ARFGEF1: variants seen among roughly 807,000 people sequenced by gnomAD.
ARFGEF1 encodes brefeldin A-inhibited guanine nucleotide-exchange protein 1.
A neutral mutation model predicts 231.0 loss-of-function variants in ARFGEF1; 42 were observed. That is an observed-to-expected ratio of 0.18 (90% CI 0.14 to 0.24). The LOEUF is 0.24. ARFGEF1 is among the 10% of genes least tolerant of loss of function. ARFGEF1 has a pLI of 1.00. For missense variants in ARFGEF1, 1,345 were observed against 2,192.0 expected (o/e 0.61, Z 7.72); for synonymous variants, 710 against 732.3 (o/e 0.97, Z 0.49).
chr8:67,339,790 T>TGGGGTGGGGG (rs1479485264), intron 1 of ARFGEF1, among the ~76,000 whole-genome samples: 1 of 422 alleles, frequency 2.4e-3, no homozygotes, highest in African/African-American at 4.9e-3. Context: ...TGTAACAGTG[T>TGGGGTGGGGG]GGGGCGGGGG....
At chr8:67,222,227 ATATGTATGTATGTATGTATGTATGTATG>A (rs35826179) in intron 29 of ARFGEF1, among the ~76,000 whole-genome samples, 15 of 115,156 alleles carry the variant, frequency 1.3e-4, no homozygotes, top group Non-Finnish European at 2.5e-4. Flanking sequence ...ATATATATGT[ATATGTATGTATGTATGTATGTATGTATG>A]TATGTATGTA....
At chr8:67,289,281 A>AG (rs534708346) in intron 6 of ARFGEF1, among the ~76,000 whole-genome samples, 17 of 152,022 alleles carry the variant, frequency 1.1e-4, no homozygotes, top group East Asian at 3.9e-4. Flanking sequence ...AGCTGAGCAC[A>AG]GGGGGGGTCA....
chr8:67,289,869 CAA>C (rs1426581624), intron 6 of ARFGEF1, among the ~76,000 whole-genome samples: 3 of 152,128 alleles, frequency 2.0e-5, no homozygotes, highest in African/African-American at 7.2e-5. Context: ...AAAATTACCT[CAA>C]GTCTGAAAAC....
At chr8:67,245,515 A>G (rs1394650382) in intron 19 of ARFGEF1, among the ~76,000 whole-genome samples, 1 of 150,498 alleles carries the variant, frequency 6.6e-6, no homozygotes, top group Non-Finnish European at 1.5e-5. Flanking sequence ...TTGTTTATGC[A>G]AGCAGTGTTA....
intron 35 of ARFGEF1, among the ~76,000 whole-genome samples, chr8:67,204,083 C>T (rs1260034242): frequency 6.6e-6 from 1 of 152,190 alleles, no homozygotes; most frequent in Non-Finnish European, 1.5e-5. Flanking sequence ...CAAAACATAG[C>T]AAACCCCTCT....
chr8:67,314,549 C>T (rs1334111275), intron 1 of ARFGEF1, among the ~76,000 whole-genome samples: 1 of 152,130 alleles, frequency 6.6e-6, no homozygotes, highest in East Asian at 1.9e-4. Context: ...GCTTCTCCAG[C>T]GGGGGTGTGT....
chr8:67,241,691 C>A (rs1260235308), intron 19 of ARFGEF1, among the ~76,000 whole-genome samples: 1 of 151,996 alleles, frequency 6.6e-6, no homozygotes, highest in Admixed American at 6.6e-5. Context: ...ATCCCCCATG[C>A]AGGAACACCA....
chr8:67,234,899 G>A (rs1839667609), intron 22 of ARFGEF1, among the ~76,000 whole-genome samples: 1 of 151,952 alleles, frequency 6.6e-6, no homozygotes, highest in African/African-American at 2.4e-5. Flanking sequence ...TAGGGAAATA[G>A]TGTCAAGGCA....
intron 30 of ARFGEF1, among the ~76,000 whole-genome samples, chr8:67,218,813 T>C (rs762423251): frequency 7.9e-5 from 12 of 152,164 alleles, no homozygotes; most frequent in Non-Finnish European, 1.3e-4. Flanking sequence ...CTTTACTCAA[T>C]ATAAAAAAGA....
At chr8:67,265,288 G>A (rs956253954) in intron 14 of ARFGEF1, among the ~76,000 whole-genome samples, 1 of 152,106 alleles carries the variant, frequency 6.6e-6, no homozygotes, top group Non-Finnish European at 1.5e-5. Context: ...TAAGTATCAG[G>A]AAGAAATGCT....
intron 8 of ARFGEF1, among the ~76,000 whole-genome samples, chr8:67,276,819 G>A (rs531567888): frequency 8.1e-4 from 123 of 152,162 alleles, no homozygotes; most frequent in African/African-American, 2.7e-3. Context: ...GCATTATACC[G>A]AATGAGCATC....
chr8:67,295,911 T>C (rs1400753532), intron 5 of ARFGEF1, among the ~76,000 whole-genome samples: 1 of 152,210 alleles, frequency 6.6e-6, no homozygotes, highest in Non-Finnish European at 1.5e-5. Flanking sequence ...AAGCTTGATG[T>C]TGATTTTTAA....
chr8:67,290,564 T>C (rs1165621375), intron 6 of ARFGEF1, among the ~76,000 whole-genome samples: 3 of 152,226 alleles, frequency 2.0e-5, no homozygotes, highest in African/African-American at 7.2e-5. Flanking sequence ...CTAAAAGCAG[T>C]GGCTGTATCT....
chr8:67,301,455 G>C, intron 2 of ARFGEF1, 75 bp from the exon 3 acceptor site: 1 of 1,444,226 alleles, frequency 6.9e-7, no homozygotes, highest in Admixed American at 2.4e-5. Context: ...TAGAAACACA[G>C]AATTTCAGTT....
chr8:67,272,092 G>C (rs1805119834), intron 9 of ARFGEF1, among the ~76,000 whole-genome samples, 156 bp from the exon 10 acceptor site: 1 of 152,162 alleles, frequency 6.6e-6, no homozygotes, highest in Admixed American at 6.5e-5. Context: ...AAAAAGTACA[G>C]TACATGAACA....
At chr8:67,311,871 A>C (rs576708258) in intron 1 of ARFGEF1, among the ~76,000 whole-genome samples, 2,487 of 152,108 alleles carry the variant, frequency 0.016, 71 homozygotes, top group African/African-American at 0.057. Context: ...ACATGGGAGA[A>C]TTTTCATTTT....
At chr8:67,309,279 G>C (rs2128920383) in intron 1 of ARFGEF1, among the ~76,000 whole-genome samples, 1 of 152,336 alleles carries the variant, frequency 6.6e-6, no homozygotes, top group Non-Finnish European at 1.5e-5. Context: ...ATGGGGAAAA[G>C]AGAGATAGCG....
intron 5 of ARFGEF1, chr8:67,175,674 G>C: frequency 1.6e-6 from 1 of 631,796 alleles, no homozygotes; most frequent in Non-Finnish European, 2.9e-6. Flanking sequence ...ACTGTAGCCA[G>C]GAGGACTGAA....
At chr8:67,217,692 A>G in intron 32 of ARFGEF1, 90 bp downstream of exon 32, 1 of 1,342,208 alleles carries the variant, frequency 7.5e-7, no homozygotes, top group Non-Finnish European at 1.0e-6. Flanking sequence ...ATGAGAAATC[A>G]GTAGTCACTA....
Sources: gnomAD v4.1 joint callset for allele counts (sites outside exome capture counted in the v4.1 genomes callset) on GRCh38, gnomAD v4.1.1 for gene constraint, MANE v1.5 for transcripts, NCBI Gene and HGNC (gene_info 2026-07-23, HGNC 2026-07-21) for gene names.